The following TUT1 variants were observed in gnomAD, a reference collection of about 807,000 sequenced individuals.
TUT1 encodes terminal uridylyl transferase 1, U6 snRNA-specific, also known as speckle targeted PIP5K1A-regulated poly(A) polymerase.
A neutral mutation model predicts 48.8 loss-of-function variants in TUT1; 26 were observed. The ratio of observed to expected loss-of-function variants is 0.53; its 90% CI spans 0.39 to 0.74. The LOEUF is 0.74. TUT1 is among the 30% of genes least tolerant of loss of function. TUT1 has a pLI of 0.00. For missense variants in TUT1, 1,065 were observed against 1,114.8 expected (o/e 0.96, Z 0.64); for synonymous variants, 470 against 460.8 (o/e 1.02, Z -0.26).
chr11:62,578,063 C>CA (rs200086998), intron 5 of TUT1, among the ~76,000 whole-genome samples: 2,293 of 106,796 alleles, frequency 0.021, 45 homozygotes, highest in African/African-American at 0.052. Flanking sequence ...CTCCGTCTCA[C>CA]AAAAAAAAAA....
chr11:62,583,422 C>T (rs1342909817), intron 2 of TUT1, among the ~76,000 whole-genome samples: 1 of 151,930 alleles, frequency 6.6e-6, no homozygotes, highest in Non-Finnish European at 1.5e-5. Flanking sequence ...CCAGCCTGAC[C>T]AACATGGCAA....
In TUT1 at chr11:62,575,250, CCT is replaced by C; in HGVS notation, c.2467_2468del (p.Arg823AlafsTer4). 1 of 1,614,174 alleles carries C rather than the reference CCT, an allele frequency of 6.2e-7. No homozygotes were observed. ...AGCTCAGCAGGGGCTCAGTTTCTGG[CCT>C]CTCTTCGCCACCACTCAGTCCTTTC... Reference protein sequence around the residue: ...ELKGLSGGEERPETEPLLSFV... With the variant: ...ELKGLSGGEEXPETEPLLSFV... On this transcript the variant is annotated frameshift_variant, in exon 9 of 9. Transcript: ENST00000476907. LOFTEE classifies it high-confidence loss of function.
At position 62,576,897 on chromosome 11, in the gene TUT1, G is replaced by A. The variant is rs772768932; in HGVS notation, c.1381+10C>T. 2.1e-5 allele frequency: 34 copies of A among 1,613,140 alleles called. No individual in the cohort carries two copies. Among genetic ancestry groups the A allele is most frequent in the Non-Finnish European group, 2.9e-5 (34 of 1,179,252 alleles). Reference sequence around the variant, plus strand: ...AACAAGATGGAGAGGGTGGAGGCTAGGCCGAGTACCTGCTTTCTGGGTGAG... The same window carrying A: ...AACAAGATGGAGAGGGTGGAGGCTAAGCCGAGTACCTGCTTTCTGGGTGAG... On this transcript the variant is annotated intron_variant, in intron 7 of 8. Transcript: ENST00000476907.
intron 7 of TUT1, 76 bp downstream of exon 7, chr11:62,576,831 G>T: frequency 6.3e-7 from 1 of 1,590,064 alleles, no homozygotes; most frequent in Non-Finnish European, 8.6e-7. Flanking sequence ...TCACAGAGCT[G>T]CTTGGTGTAT....
At position 62,578,922 on chromosome 11, in the gene TUT1, G is replaced by A. The variant is rs1941778464; in HGVS notation, c.799C>T (p.Pro267Ser). Residue 267 changes from proline to serine, a missense_variant, in exon 5 of 9, where the codon CCT (proline) becomes TCT (serine). Physicochemically the swap from Pro to Ser is moderately conservative, Grantham distance 74. Transcript: ENST00000476907. Reference protein sequence around the residue: ...TPASPPDSQPPASPQDSEALD... With the variant: ...TPASPPDSQPSASPQDSEALD... ...GCTTCAGAATCCTGGGGAGAAGCAGGAGGTTGTGAATCTGGAGGGGAAGCT... is the reference window on the plus strand; with the variant it reads ...GCTTCAGAATCCTGGGGAGAAGCAGAAGGTTGTGAATCTGGAGGGGAAGCT... 1.3e-6 allele frequency: 2 copies of A among 1,573,518 alleles called. No individual in the cohort carries two copies. The highest frequency in any genetic ancestry group is 1.7e-6 in the Non-Finnish European group (2 of 1,159,360).
intron 2 of TUT1, chr11:62,582,598 T>G: frequency 2.2e-6 from 1 of 455,604 alleles, no homozygotes; most frequent in Non-Finnish European, 4.4e-6. Flanking sequence ...AGACCCTGTC[T>G]CAAAAAAAAG....
rs773625224 is a variant in TUT1, at chr11:62,578,852, G to A, written c.869C>T (p.Pro290Leu). 24 of 1,612,966 alleles carry A rather than the reference G, an allele frequency of 1.5e-5. No homozygotes were observed. The highest frequency in any genetic ancestry group is 9.9e-5 in the South Asian group (9 of 91,038). Residue 290 changes from proline to leucine, a missense_variant, in exon 5 of 9, where the codon CCG becomes CTG. Pro to Leu is a moderately conservative substitution (Grantham distance 98, BLOSUM62 -3). Transcript: ENST00000476907. ...GGTCTCGGAGGCCAAGGCAGAGTCC[G>A]GAGTTTGGGGCGCCAGGGAGGAGGA... The part of the protein sequence containing the change: ...TPSSSLAPQT[P>L]DSALASETLA...
chr11:62,587,092 C>CCAAA (rs1941929903), intron 2 of TUT1, among the ~76,000 whole-genome samples: 1 of 108,322 alleles, frequency 9.2e-6, no homozygotes, highest in Non-Finnish European at 1.8e-5. Context: ...AACTCCCTCT[C>CCAAA]AAAAAAAAAA....
intron 2 of TUT1, among the ~76,000 whole-genome samples, chr11:62,584,205 T>G (rs1454683252): frequency 6.6e-6 from 1 of 151,488 alleles, no homozygotes; most frequent in Non-Finnish European, 1.5e-5. Flanking sequence ...CGGCTCATTA[T>G]TACCTCTGCC....
At position 62,576,056 on chromosome 11, in the gene TUT1, C is replaced by T. The variant is rs1343750763; in HGVS notation, c.1663G>A (p.Val555Met). The change falls in exon 9 of 9, where the codon GTG (valine) becomes ATG (methionine). Residue 555 changes from valine to methionine, a missense_variant. Val to Met is a conservative substitution (Grantham distance 21). Transcript: ENST00000476907. ...AGGCGCCCAGCCACCCGGCTGGTCACATTGGCTGCGACATTGTGACTCAGG... is the reference window on the plus strand; with the variant it reads ...AGGCGCCCAGCCACCCGGCTGGTCATATTGGCTGCGACATTGTGACTCAGG... Reference protein sequence around the residue: ...FDLSHNVAANVTSRVAGRLQN... With the variant: ...FDLSHNVAANMTSRVAGRLQN... The T allele has an allele frequency of 6.2e-7, 1 of 1,613,890 alleles. No homozygotes were observed. The highest frequency in any genetic ancestry group is 1.1e-5 in the South Asian group (1 of 91,086).
chr11:62,585,823 C>G (rs911772989), intron 2 of TUT1, among the ~76,000 whole-genome samples: 1 of 151,894 alleles, frequency 6.6e-6, no homozygotes, highest in South Asian at 2.1e-4. Flanking sequence ...AGGCCTGGCA[C>G]GGTGGCGCAC....
chr11:62,577,127 C>T, intron 6 of TUT1, 55 bp downstream of exon 6: 5 of 1,595,908 alleles, frequency 3.1e-6, no homozygotes, highest in Admixed American at 1.7e-5. Flanking sequence ...TCCCTGAATC[C>T]CTGCCTTTGT....
chr11:62,589,336 T>C, intron 1 of TUT1, 115 bp from the exon 2 acceptor site: 1 of 942,980 alleles, frequency 1.1e-6, no homozygotes, highest in Admixed American at 2.8e-5. Context: ...CTGTGACCTT[T>C]GAATAAACAA....
chr11:62,577,429 C>G, intron 5 of TUT1, 138 bp from the exon 6 acceptor site: 1 of 687,186 alleles, frequency 1.5e-6, no homozygotes, highest in Non-Finnish European at 2.5e-6. Flanking sequence ...GCTCACTGAT[C>G]TTGTGAGACA....
At chr11:62,576,336 T>G in intron 8 of TUT1, 92 bp from the exon 9 acceptor site, 12 of 1,415,450 alleles carry the variant, frequency 8.5e-6, no homozygotes, top group Non-Finnish European at 1.1e-5. Context: ...TAGCAGGACT[T>G]TTTCCCTTCC....
chr11:62,575,857 G>C lies in TUT1; in HGVS notation c.1862C>G (p.Ala621Gly). Reference sequence around the variant, plus strand: ...TTCCCTGAATACCTGCACCAGGGCAGCAGTGAGCTGGGTGAAGGGTGCAAG... The same window carrying C: ...TTCCCTGAATACCTGCACCAGGGCACCAGTGAGCTGGGTGAAGGGTGCAAG... ...LPLAPFTQLT[A>G]ALVQVFREAL... The change falls in exon 9 of 9, where the codon GCT (alanine) becomes GGT (glycine). Residue 621 changes from alanine (A) to glycine (G), a missense_variant. Ala to Gly is a moderately conservative substitution (Grantham distance 60, BLOSUM62 0). Transcript: ENST00000476907. 6.2e-7 allele frequency: 1 copy of C among 1,614,212 alleles called. No homozygotes were observed. The highest frequency in any genetic ancestry group is 8.5e-7 in the Non-Finnish European group (1 of 1,180,036).
rs1008627378 is a variant in TUT1 at position 62,575,918 on chromosome 11, TG to T, written c.1800del (p.Ser601AlafsTer35). ...ATCGGCGTAGCAGAGAGCAGGGAGCTGGGGGAGCTGGGCTGCAGAAGAGGGA... is the reference window on the plus strand; with the variant it reads ...ATCGGCGTAGCAGAGAGCAGGGAGCTGGGGAGCTGGGCTGCAGAAGAGGGA... ...GLLPLLQPSS[P>X]SSLLSATPIP... On this transcript the variant is annotated frameshift_variant, in exon 9 of 9. Coordinates refer to ENST00000476907, the MANE Select transcript of TUT1 (RefSeq NM_022830.3). LOFTEE classifies it low-confidence loss of function (END_TRUNC). 1.2e-6 allele frequency: 2 copies of T among 1,613,998 alleles called. No individual in the cohort carries two copies. The highest frequency in any genetic ancestry group is 1.7e-6 in the Non-Finnish European group (2 of 1,180,002).
At chr11:62,579,156 T>C (rs1233997217) in intron 4 of TUT1, 126 bp from the exon 5 acceptor site, 1 of 602,430 alleles carries the variant, frequency 1.7e-6, no homozygotes, top group East Asian at 3.5e-5. Flanking sequence ...ACTCATTTAA[T>C]CTTCACAGGA....
rs531334163 is a variant in TUT1, at chr11:62,581,321, G to A, written c.589+65C>T. On this transcript the variant is annotated intron_variant, in intron 3 of 8. Coordinates refer to ENST00000476907, the MANE Select transcript of TUT1 (RefSeq NM_022830.3). ...AAACACCTCTAGCGGAGGAAGGACT[G>A]GGGATACAGACACAGGAGAGCAAAG... The A allele has an allele frequency of 2.4e-5, 37 of 1,560,500 alleles. No individual in the cohort carries two copies. In the African/African-American group the frequency reaches 2.8e-4, roughly 12 times the overall value.
Sources: gnomAD v4.1 joint callset for allele counts (sites outside exome capture counted in the v4.1 genomes callset) on GRCh38, gnomAD v4.1.1 for gene constraint, MANE v1.5 for transcripts, NCBI Gene and HGNC (gene_info 2026-07-23, HGNC 2026-07-21) for gene names.